Variants in ERBB4 observed in about 807,000 individuals in gnomAD.
ERBB4 encodes the protein erb-b2 receptor tyrosine kinase 4.
Under a neutral mutation model 158.0 loss-of-function variants are expected in ERBB4, and 42 were observed. That is an observed-to-expected ratio of 0.27 (90% CI 0.21 to 0.34). ERBB4 has a LOEUF of 0.34. Among genes scored for constraint, ERBB4 ranks in the 10% least tolerant of loss-of-function variants. ERBB4 has a pLI of 1.00. For synonymous variants in ERBB4, 583 were observed against 558.7 expected (o/e 1.04, Z -0.61); for missense variants, 1,333 against 1,624.1 (o/e 0.82, Z 3.08).
intron 13 of ERBB4, among the ~76,000 whole-genome samples, chr2:211,678,709 G>A (rs2072201988): frequency 6.6e-6 from 1 of 152,150 alleles, no homozygotes; most frequent in Admixed American, 6.5e-5. Context: ...GCTCACGCCT[G>A]TAATCCCAGC....
chr2:211,846,195 C>A (rs991583298), intron 3 of ERBB4, among the ~76,000 whole-genome samples: 1 of 152,030 alleles, frequency 6.6e-6, no homozygotes, highest in Non-Finnish European at 1.5e-5. Context: ...AGCTTTTCAA[C>A]CATCTTTAGG....
intron 3 of ERBB4, among the ~76,000 whole-genome samples, chr2:211,827,563 G>GTT (rs146453743): frequency 3.4e-5 from 5 of 148,660 alleles, no homozygotes; most frequent in African/African-American, 7.4e-5. Context: ...AGACAAAGTG[G>GTT]TTTTTTTTTC....
intron 1 of ERBB4, among the ~76,000 whole-genome samples, chr2:212,475,430 CT>C (rs1049863244): frequency 2.0e-5 from 3 of 152,198 alleles, no homozygotes; most frequent in African/African-American, 7.2e-5. Flanking sequence ...ACTTCCCTAT[CT>C]TTGTGTTCAT....
chr2:212,439,025 A>G (rs1304592350), intron 1 of ERBB4, among the ~76,000 whole-genome samples: 1 of 152,144 alleles, frequency 6.6e-6, no homozygotes, highest in African/African-American at 2.4e-5. Context: ...ATGCCCTTTC[A>G]ATATTCAGAC....
At chr2:212,073,410 T>C (rs1481878905) in intron 2 of ERBB4, among the ~76,000 whole-genome samples, 1 of 151,958 alleles carries the variant, frequency 6.6e-6, no homozygotes, top group Non-Finnish European at 1.5e-5. Context: ...TGGTGAAAGT[T>C]AATTGTATAT....
intron 1 of ERBB4, among the ~76,000 whole-genome samples, chr2:212,227,644 A>G (rs1296402094): frequency 6.6e-6 from 1 of 152,156 alleles, no homozygotes; most frequent in Non-Finnish European, 1.5e-5. Flanking sequence ...AGAGCACCAT[A>G]AAAATAGAAA....
chr2:212,424,045 T>C (rs2091854230), intron 1 of ERBB4, among the ~76,000 whole-genome samples: 1 of 152,178 alleles, frequency 6.6e-6, no homozygotes, highest in South Asian at 2.1e-4. Context: ...ATCATAATCA[T>C]TGGCAATAAT....
At chr2:211,550,592 T>TATATATATATATATAA (rs902602603) in intron 20 of ERBB4, among the ~76,000 whole-genome samples, 1 of 145,904 alleles carries the variant, frequency 6.9e-6, no homozygotes, top group Non-Finnish European at 1.5e-5. Flanking sequence ...TATATATATA[T>TATATATATATATATAA]ATAAATATAT....
chr2:212,326,152 A>C (rs2087819837), intron 1 of ERBB4, among the ~76,000 whole-genome samples: 1 of 150,726 alleles, frequency 6.6e-6, no homozygotes, highest in African/African-American at 2.4e-5. Context: ...ATTTGAAGAA[A>C]AATGCTGTTG....
chr2:211,760,789 A>C (rs2075389807), intron 4 of ERBB4, among the ~76,000 whole-genome samples: 1 of 152,234 alleles, frequency 6.6e-6, no homozygotes, highest in South Asian at 2.1e-4. Context: ...TCACCACATC[A>C]TCTAATGCTT....
At chr2:212,241,942 G>A (rs2084123044) in intron 1 of ERBB4, among the ~76,000 whole-genome samples, 3 of 151,760 alleles carry the variant, frequency 2.0e-5, no homozygotes, top group Non-Finnish European at 4.4e-5. Flanking sequence ...CAACACAAAT[G>A]AGTCCACTAG....
chr2:211,608,392 T>C (rs1167831890), intron 19 of ERBB4, among the ~76,000 whole-genome samples: 1 of 152,270 alleles, frequency 6.6e-6, no homozygotes, highest in Non-Finnish European at 1.5e-5. Flanking sequence ...AGAAGCCAGT[T>C]GACTTTAGAG....
intron 25 of ERBB4, among the ~76,000 whole-genome samples, chr2:211,415,705 G>C (rs2063374775): frequency 6.6e-6 from 1 of 152,126 alleles, no homozygotes; most frequent in Non-Finnish European, 1.5e-5. Context: ...ATAAAGTAGA[G>C]AGAATCATAT....
intron 12 of ERBB4, among the ~76,000 whole-genome samples, chr2:211,701,014 A>G (rs1445145615): frequency 6.6e-6 from 1 of 152,222 alleles, no homozygotes; most frequent in East Asian, 1.9e-4. Context: ...AGAATTAAGC[A>G]TAAATCAACG....
At chr2:212,085,004 C>T (rs1046574960) in intron 2 of ERBB4, among the ~76,000 whole-genome samples, 1 of 151,836 alleles carries the variant, frequency 6.6e-6, no homozygotes, top group African/African-American at 2.4e-5. Flanking sequence ...TGCTGAAGTG[C>T]TGTGCAGGTC....
intron 1 of ERBB4, among the ~76,000 whole-genome samples, chr2:212,195,163 A>G (rs1303524105): frequency 6.6e-6 from 1 of 152,034 alleles, no homozygotes; most frequent in Non-Finnish European, 1.5e-5. Context: ...CATTGTAGAT[A>G]GTAACAGGAT....
At chr2:212,048,711 G>C (rs916429687) in intron 2 of ERBB4, among the ~76,000 whole-genome samples, 1 of 152,142 alleles carries the variant, frequency 6.6e-6, no homozygotes, top group Non-Finnish European at 1.5e-5. Flanking sequence ...GTGTCACGTA[G>C]TTAGTTGTAT....
chr2:211,592,590 T>C (rs190394063), intron 19 of ERBB4, among the ~76,000 whole-genome samples: 1 of 152,008 alleles, frequency 6.6e-6, no homozygotes, highest in Non-Finnish European at 1.5e-5. Flanking sequence ...GATTTCAAGG[T>C]TCCAAAACAT....
chr2:212,308,798 T>C (rs989783742), intron 1 of ERBB4, among the ~76,000 whole-genome samples: 32 of 150,998 alleles, frequency 2.1e-4, no homozygotes, highest in African/African-American at 7.7e-4. Flanking sequence ...TAACATTCTA[T>C]AATTTGGCCA....
Sources: gnomAD v4.1 joint callset for allele counts (sites outside exome capture counted in the v4.1 genomes callset) on GRCh38, gnomAD v4.1.1 for gene constraint, MANE v1.5 for transcripts, NCBI Gene and HGNC (gene_info 2026-07-23, HGNC 2026-07-21) for gene names.